Variants in COL11A1 observed in about 807,000 individuals in gnomAD.
The protein encoded by COL11A1 is collagen type XI alpha 1 chain.
A neutral mutation model predicts 265.2 loss-of-function variants in COL11A1; 74 were observed. That is an observed-to-expected ratio of 0.28 (90% CI 0.23 to 0.34). COL11A1 has a LOEUF of 0.34. COL11A1 is among the 10% of genes least tolerant of loss of function. The pLI is 1.00. For missense variants in COL11A1, 2,165 were observed against 2,263.6 expected (o/e 0.96, Z 0.88); for synonymous variants, 816 against 727.6 (o/e 1.12, Z -1.96).
At position 103,108,433 on chromosome 1, in the gene COL11A1, C is replaced by T. The variant is rs1328586168; in HGVS notation, c.-255G>A. ...CGCGACCCTCTGATCCTTCCTCTGC[C>T]GGGCCCTGCCTTCAGAATGAAGGCA... On this transcript the variant is annotated 5_prime_UTR_variant, in exon 1 of 67. Coordinates refer to ENST00000370096, the MANE Select transcript of COL11A1 (RefSeq NM_001854.4). 3.3e-6 allele frequency: 2 copies of T among 602,672 alleles called. No individual in the cohort carries two copies. The highest frequency in any genetic ancestry group is 2.9e-6 in the Non-Finnish European group (1 of 339,630). The allele number at this position is 602,672 out of a possible 1,614,324, so 37.3% of individuals were successfully genotyped here. A position where few individuals can be genotyped will look rare whatever the true frequency, so the allele number is the denominator to read the frequency against.
At position 103,043,629 on chromosome 1, in the gene COL11A1, C is replaced by G. The variant is rs1175553638; in HGVS notation, c.652-12385G>C. Among the ~76,000 whole-genome samples, 3 of 152,046 alleles carry G rather than the reference C, an allele frequency of 2.0e-5. No homozygotes were observed. The East Asian group carries it at 5.8e-4, about 29-fold the overall frequency. On this transcript the variant is annotated intron_variant, in intron 4 of 66. Coordinates refer to ENST00000370096, the MANE Select transcript of COL11A1 (RefSeq NM_001854.4). ...AAGAATACTATTACTTGTATTTCCT[C>G]AGAAATTCTAAACACAACTAATATA...
chr1:102,935,734 G>A (rs925680715), intron 44 of COL11A1, among the ~76,000 whole-genome samples: 5 of 152,072 alleles, frequency 3.3e-5, no homozygotes, highest in African/African-American at 9.7e-5. Flanking sequence ...AATATAAAAG[G>A]TTCAGGCATT....
At chr1:102,878,238 G>A in intron 66 of COL11A1, 73 bp from the exon 67 acceptor site, 2 of 1,362,372 alleles carry the variant, frequency 1.5e-6, no homozygotes, top group Non-Finnish European at 2.0e-6. Context: ...TTTTTCTTGG[G>A]CTTCTGAGTG....
chr1:103,046,219 GT>G (rs1669252993), intron 4 of COL11A1, among the ~76,000 whole-genome samples: 1 of 140,630 alleles, frequency 7.1e-6, no homozygotes, highest in South Asian at 2.5e-4. Flanking sequence ...GGTTGAACTA[GT>G]TTACAGTCCC....
At chr1:102,896,044 A>C (rs1652382585) in intron 57 of COL11A1, among the ~76,000 whole-genome samples, 1 of 151,934 alleles carries the variant, frequency 6.6e-6, no homozygotes, top group Non-Finnish European at 1.5e-5. Flanking sequence ...TGGTGCTACT[A>C]GTGCTAATTG....
chr1:102,914,410 A>C lies in COL11A1; in HGVS notation c.3925-5T>G, dbSNP rs1477200451. 1 of 1,603,928 alleles carries C rather than the reference A, an allele frequency of 6.2e-7. No homozygotes were observed. The highest frequency in any genetic ancestry group is 1.7e-5 in the Admixed American group (1 of 59,646). On this transcript the variant is annotated splice_polypyrimidine_tract_variant and splice_region_variant and intron_variant, in intron 51 of 66. Coordinates refer to ENST00000370096, the MANE Select transcript of COL11A1 (RefSeq NM_001854.4). ...TCCAGGAAAACCAACAGGACCCTAGAATGACGTTTTGAAAGAAAAAGAAAT... is the reference window on the plus strand; with the variant it reads ...TCCAGGAAAACCAACAGGACCCTAGCATGACGTTTTGAAAGAAAAAGAAAT...
rs1210781527 is a variant in COL11A1 at position 102,965,335 on chromosome 1, T to A, written c.2916+152A>T. On this transcript the variant is annotated intron_variant, in intron 38 of 66. Coordinates refer to ENST00000370096, the MANE Select transcript of COL11A1 (RefSeq NM_001854.4). The stretch of plus-strand genomic sequence containing the variant: ...GTAATAGTTTGTTGGTTTCATTTGA[T>A]GTACGAAAGCTGCATATATTTAAAT... 45 of 756,800 alleles carry A rather than the reference T, an allele frequency of 5.9e-5. No homozygotes were observed. The South Asian group carries it at 6.8e-4, about 11-fold the overall frequency. 46.9% of individuals were successfully genotyped at this position (756,800 alleles called of 1,614,324 possible). A position where few individuals can be genotyped will look rare whatever the true frequency, so the allele number is the denominator to read the frequency against.
intron 38 of COL11A1, among the ~76,000 whole-genome samples, chr1:102,963,250 G>A (rs2101580309): frequency 6.6e-6 from 1 of 152,252 alleles, no homozygotes; most frequent in Non-Finnish European, 1.5e-5. Flanking sequence ...TCCATGGACT[G>A]AAAATTTCTC....
chr1:103,108,488 G>A lies in COL11A1; in HGVS notation c.-310C>T, dbSNP rs925268438. The A allele has an allele frequency of 3.4e-6, 2 of 592,804 alleles. No homozygotes were observed. The highest frequency in any genetic ancestry group is 6.0e-6 in the Non-Finnish European group (2 of 333,974). The allele number at this position is 592,804 out of a possible 1,614,324, so 36.7% of individuals were successfully genotyped here. ...AGGGGCTTCCACCAACAAGCTGAGA[G>A]TACTGTGTGCCCCTAAAGGCTTCAT... On this transcript the variant is annotated 5_prime_UTR_variant, in exon 1 of 67. Transcript: ENST00000370096.
intron 9 of COL11A1, among the ~76,000 whole-genome samples, chr1:103,019,192 G>C (rs574429149): frequency 6.6e-6 from 1 of 152,062 alleles, no homozygotes; most frequent in African/African-American, 2.4e-5. Flanking sequence ...TTTTTCGTTT[G>C]TTTGTAGCCC....
intron 31 of COL11A1, among the ~76,000 whole-genome samples, chr1:102,983,730 A>G (rs1017637752): frequency 4.6e-5 from 7 of 152,004 alleles, no homozygotes; most frequent in Non-Finnish European, 7.4e-5. Flanking sequence ...GAAAAAAAAT[A>G]CTCATGGAAA....
At chr1:102,919,248 T>C (rs1035470043) in intron 49 of COL11A1, among the ~76,000 whole-genome samples, 2 of 152,076 alleles carry the variant, frequency 1.3e-5, no homozygotes, top group Non-Finnish European at 2.9e-5. Flanking sequence ...CAGTAAGATT[T>C]ATCTAATGAG....
chr1:102,960,839 T>C (rs1660838317), intron 41 of COL11A1, among the ~76,000 whole-genome samples: 2 of 152,046 alleles, frequency 1.3e-5, no homozygotes, highest in Admixed American at 1.3e-4. Context: ...TGTGGAACTA[T>C]AGGATGGGTA....
chr1:102,914,914 AT>A (rs201099871), intron 50 of COL11A1, 103 bp from the exon 51 acceptor site: 7,539 of 808,524 alleles, frequency 9.3e-3, no homozygotes, highest in East Asian at 0.014. Context: ...GCCAGAATAT[AT>A]TTTTTTTTTA....
At chr1:102,993,090 G>C (rs998813326) in intron 28 of COL11A1, among the ~76,000 whole-genome samples, 1 of 151,948 alleles carries the variant, frequency 6.6e-6, no homozygotes, top group Admixed American at 6.6e-5. Context: ...CCCCACCCCA[G>C]TCAGGCAATT....
chr1:102,962,276 T>C lies in COL11A1; in HGVS notation c.3025-11A>G, dbSNP rs745667185. The stretch of plus-strand genomic sequence containing the variant: ...AGGACCTGGATCACCCTAAAGAATA[T>C]AATAAACATCGTCAAGACAGATTAA... On this transcript the variant is annotated splice_polypyrimidine_tract_variant and intron_variant, in intron 39 of 66. Transcript: ENST00000370096. 1.9e-5 allele frequency: 30 copies of C among 1,592,178 alleles called. No individual in the cohort carries two copies. The highest frequency in any genetic ancestry group is 2.5e-5 in the Non-Finnish European group (29 of 1,160,256).
intron 46 of COL11A1, 95 bp downstream of exon 46, chr1:102,934,354 A>G (rs1657919865): frequency 4.5e-6 from 4 of 890,578 alleles, no homozygotes; most frequent in South Asian, 4.4e-5. Context: ...TCTTACGTAG[A>G]AAAAAAGAAA....
chr1:103,076,415 C>G (rs1237642649), intron 3 of COL11A1, among the ~76,000 whole-genome samples: 2 of 152,060 alleles, frequency 1.3e-5, no homozygotes, highest in Non-Finnish European at 2.9e-5. Flanking sequence ...AAATACAATA[C>G]TCACAGTAAA....
At chr1:102,993,582 G>C (rs897912615) in intron 28 of COL11A1, among the ~76,000 whole-genome samples, 2 of 151,972 alleles carry the variant, frequency 1.3e-5, no homozygotes, top group Non-Finnish European at 2.9e-5. Context: ...CTGTCACCCT[G>C]GCTGGAGTAC....
Sources: gnomAD v4.1 joint callset for allele counts (sites outside exome capture counted in the v4.1 genomes callset) on GRCh38, gnomAD v4.1.1 for gene constraint, MANE v1.5 for transcripts, NCBI Gene and HGNC (gene_info 2026-07-23, HGNC 2026-07-21) for gene names.